The following CDKN2B-AS1 variants were observed in gnomAD, a reference collection of about 807,000 sequenced individuals.
CDKN2B-AS1 encodes CDKN2B antisense RNA 1 (non-protein coding).
At chr9:22,120,373 A>C (rs1164216419) in intron 4 of CDKN2B-AS1, 1 of 152,220 alleles carries the variant, frequency 6.6e-6, no homozygotes, top group East Asian at 1.9e-4. Flanking sequence ...AGAGCATGGG[A>C]GATACTAATG....
At chr9:22,098,050 G>C (rs1825344459) in intron 4 of CDKN2B-AS1, among the ~76,000 whole-genome samples, 1 of 151,842 alleles carries the variant, frequency 6.6e-6, no homozygotes, top group Non-Finnish European at 1.5e-5. Flanking sequence ...AATCATTCTG[G>C]GCAAATTTAG....
chr9:22,127,519 A>G (rs146227754), exon 5 of CDKN2B-AS1, among the ~76,000 whole-genome samples: 7 of 152,350 alleles, frequency 4.6e-5, no homozygotes, highest in Non-Finnish European at 7.3e-5. Context: ...CAAGAGCTTT[A>G]ACGAGGAAAA....
At position 22,005,832 on chromosome 9, in the gene CDKN2B-AS1, CCGGT is replaced by C; in HGVS notation, n.29+10675_29+10678del. On this transcript the variant is annotated intron_variant and non_coding_transcript_variant, in intron 1 of 4. Coordinates refer to ENST00000650946, the Ensembl canonical transcript of CDKN2B-AS1. The surrounding 1 kb of genome is among the most constrained non-coding windows in gnomAD (Gnocchi z 4.9). ...GAAAAAAATGTATGGAAGGTTATTC[CCGGT>C]CGGCTCCTCCTTCCTGTGAGTCTCA... 4.2e-6 allele frequency: 4 copies of C among 951,706 alleles called. No homozygotes were observed. In the East Asian group the frequency reaches 1.1e-4, roughly 25 times the overall value. 59.0% of individuals were successfully genotyped at this position (951,706 alleles called of 1,614,324 possible). A position where few individuals can be genotyped will look rare whatever the true frequency, so the allele number is the denominator to read the frequency against.
Position 21,997,116 on chromosome 9 carries a change from GT to G in CDKN2B-AS1, n.29+1956del, listed in dbSNP as rs573738109. 1.6e-3 allele frequency among the ~76,000 whole-genome samples: 247 copies of G among 152,210 alleles called. No individual in the cohort carries two copies. The highest frequency in any genetic ancestry group is 2.2e-3 in the Non-Finnish European group (149 of 68,020). ...GTGCAAACATCATATACAAACCTAGGTGGTATAGTCTATTATACATCTAGGC... is the reference window on the plus strand; with the variant it reads ...GTGCAAACATCATATACAAACCTAGGGGTATAGTCTATTATACATCTAGGC... On this transcript the variant is annotated intron_variant and non_coding_transcript_variant, in intron 1 of 4. Transcript: ENST00000650946. The surrounding 1 kb of genome is among the most constrained non-coding windows in gnomAD (Gnocchi z 4.8).
chr9:22,021,172 A>G (rs947101978), intron 1 of CDKN2B-AS1, among the ~76,000 whole-genome samples: 2 of 152,268 alleles, frequency 1.3e-5, no homozygotes, highest in South Asian at 2.1e-4. Context: ...TTTGTTGAAG[A>G]TCAGATAGTT....
intron 1 of CDKN2B-AS1, among the ~76,000 whole-genome samples, chr9:22,027,413 A>T (rs1822286516): frequency 6.6e-6 from 1 of 152,216 alleles, no homozygotes; most frequent in African/African-American, 2.4e-5. Flanking sequence ...GACAGGATAA[A>T]AGCACTCAGA....
At chr9:22,125,014 C>T (rs1172325774) in intron 4 of CDKN2B-AS1, among the ~76,000 whole-genome samples, 1 of 152,202 alleles carries the variant, frequency 6.6e-6, no homozygotes, top group Non-Finnish European at 1.5e-5. Context: ...CTCTCAGTCT[C>T]TCTCTATGTT....
At chr9:22,049,569 A>G (rs1333260541) in intron 3 of CDKN2B-AS1, among the ~76,000 whole-genome samples, 1 of 152,194 alleles carries the variant, frequency 6.6e-6, no homozygotes. Flanking sequence ...CACACCAGCC[A>G]GGGCACATGG....
chr9:22,092,671 C>T (rs9776546), intron 4 of CDKN2B-AS1, among the ~76,000 whole-genome samples: 241 of 152,188 alleles, frequency 1.6e-3, no homozygotes, highest in African/African-American at 5.6e-3. Flanking sequence ...GTGGTGATAT[C>T]CCCTTTTAAT....
At chr9:22,091,602 G>T (rs1441917735) in intron 4 of CDKN2B-AS1, among the ~76,000 whole-genome samples, 2 of 152,166 alleles carry the variant, frequency 1.3e-5, no homozygotes, top group Admixed American at 6.5e-5. Flanking sequence ...GTGAATGGGA[G>T]TTCACTCATG....
intron 4 of CDKN2B-AS1, among the ~76,000 whole-genome samples, chr9:22,062,953 CTT>C (rs1491460109): frequency 2.9e-5 from 4 of 140,312 alleles, no homozygotes; most frequent in African/African-American, 1.1e-4. Flanking sequence ...AGAAAAGTGA[CTT>C]GTGTGTGTGT....
chr9:22,119,625 C>T (rs1214897180), intron 4 of CDKN2B-AS1: 1 of 152,212 alleles, frequency 6.6e-6, no homozygotes, highest in Non-Finnish European at 1.5e-5. Context: ...ATTATCATTG[C>T]TCAATAGCTG....
At chr9:22,036,245 T>C (rs1822684276) in intron 1 of CDKN2B-AS1, among the ~76,000 whole-genome samples, 1 of 152,026 alleles carries the variant, frequency 6.6e-6, no homozygotes. Context: ...GCTGTAAACA[T>C]GAAGATAATG....
intron 4 of CDKN2B-AS1, among the ~76,000 whole-genome samples, chr9:22,075,562 C>G (rs1824463126): frequency 6.6e-6 from 1 of 152,140 alleles, no homozygotes; most frequent in East Asian, 1.9e-4. Flanking sequence ...ACCACAACCC[C>G]CAAATTGTGA....
At chr9:22,120,362 G>A (rs1236956985) in intron 4 of CDKN2B-AS1, 1 of 152,236 alleles carries the variant, frequency 6.6e-6, no homozygotes, top group Non-Finnish European at 1.5e-5. Context: ...AAATGAGGCT[G>A]AGAGCATGGG....
intron 4 of CDKN2B-AS1, among the ~76,000 whole-genome samples, chr9:22,067,830 C>T (rs1824122845): frequency 6.6e-6 from 1 of 152,092 alleles, no homozygotes; most frequent in Non-Finnish European, 1.5e-5. Flanking sequence ...GCAATCTGTA[C>T]GTTAGGGTTC....
chr9:22,040,493 A>G (rs1822853496), intron 1 of CDKN2B-AS1, among the ~76,000 whole-genome samples: 1 of 151,990 alleles, frequency 6.6e-6, no homozygotes, highest in Admixed American at 6.6e-5. Context: ...GAAGGAGATC[A>G]TAACCAACAT....
intron 4 of CDKN2B-AS1, among the ~76,000 whole-genome samples, chr9:22,072,315 T>C (rs1047754378): frequency 6.6e-6 from 1 of 152,236 alleles, no homozygotes; most frequent in Non-Finnish European, 1.5e-5. Context: ...AGTAAGTTTC[T>C]AGTTTATATA....
intron 4 of CDKN2B-AS1, among the ~76,000 whole-genome samples, chr9:22,105,454 G>T (rs1400087168): frequency 1.3e-5 from 2 of 152,194 alleles, no homozygotes; most frequent in Non-Finnish European, 2.9e-5. Flanking sequence ...ATGAAGCGGG[G>T]CTGGGCAGCT....
Sources: gnomAD v4.1 joint callset for allele counts (sites outside exome capture counted in the v4.1 genomes callset) on GRCh38, gnomAD v4.1.1 for gene constraint, Gnocchi (gnomAD v3.1) non-coding constraint, MANE v1.5 for transcripts, NCBI Gene and HGNC (gene_info 2026-07-23, HGNC 2026-07-21) for gene names.